TET3: variants seen among roughly 807,000 people sequenced by gnomAD.
The protein encoded by TET3 is methylcytosine dioxygenase TET3.
Under a neutral mutation model 141.4 loss-of-function variants are expected in TET3, and 19 were observed. That is an observed-to-expected ratio of 0.13 (90% CI 0.09 to 0.20). The LOEUF (loss-of-function observed/expected upper bound fraction) is 0.20. Ranked by LOEUF, TET3 falls within the 10% of genes least tolerant of loss-of-function variation. TET3 has a pLI of 1.00. For missense variants in TET3, 1,874 were observed against 2,356.9 expected, an observed-to-expected ratio of 0.80 and a Z score of 4.24; for synonymous variants, 1,043 against 980.9, an observed-to-expected ratio of 1.06 and a Z score of -1.18.
rs75720816 is a variant in TET3, at chr2:74,080,708, G to A, written c.2679+117G>A. The A allele has an allele frequency of 2.4e-5, 8 of 340,046 alleles. 3 individuals are homozygous for A. In the East Asian group the frequency reaches 9.0e-4, roughly 38 times the overall value. 21.1% of individuals were successfully genotyped at this position (340,046 alleles called of 1,614,324 possible). On this transcript the variant is annotated intron_variant, in intron 6 of 11. Coordinates refer to ENST00000409262, the MANE Select transcript of TET3 (RefSeq NM_001287491.2). Reference sequence around the variant, plus strand: ...GCTGAGCAGGCGAGGGCGGGGGGTGGGGCCAGGTGGGTGTGTAGGAGACAA... The same window carrying A: ...GCTGAGCAGGCGAGGGCGGGGGGTGAGGCCAGGTGGGTGTGTAGGAGACAA...
At chr2:74,128,460 G>A in the TET3 span, among the ~76,000 whole-genome samples, 1 of 152,004 alleles carries the variant, frequency 6.6e-6, no homozygotes, top group Non-Finnish European at 1.5e-5. Context: ...TTCATGGAGG[G>A]GCTACCTAGA....
Position 74,051,394 on chromosome 2 carries a change from G to A in TET3, c.2494+2983G>A, listed in dbSNP as rs144516640. 9.1e-4 allele frequency among the ~76,000 whole-genome samples: 139 copies of A among 152,308 alleles called. 1 individual carries two copies. The highest frequency in any genetic ancestry group is 3.1e-3 in the African/African-American group (130 of 41,572). Reference sequence around the variant, plus strand: ...AAATTTGAACAATCATCTCAGTTGAGTTTTAGAAAATGGAAAAAAGACTAG... The same window carrying A: ...AAATTTGAACAATCATCTCAGTTGAATTTTAGAAAATGGAAAAAAGACTAG... On this transcript the variant is annotated intron_variant, in intron 4 of 11. Transcript: ENST00000409262.
At chr2:74,126,588 G>T in the TET3 span, among the ~76,000 whole-genome samples, 4 of 142,028 alleles carry the variant, frequency 2.8e-5, no homozygotes, top group South Asian at 9.0e-4. Flanking sequence ...TGCAAGCTCC[G>T]CCTCCCGGGT....
chr2:74,045,709 C>T (rs1687578987), intron 3 of TET3, among the ~76,000 whole-genome samples: 1 of 152,196 alleles, frequency 6.6e-6, no homozygotes, highest in African/African-American at 2.4e-5. Context: ...TTTCTGTGCT[C>T]AGCCTGGGCT....
rs1687609744 is a variant in TET3 at position 74,046,230 on chromosome 2, A to G, written c.361-48A>G. On this transcript the variant is annotated intron_variant, in intron 3 of 11. Transcript: ENST00000409262. This position sits in a 1 kb window ranked among gnomAD's most constrained non-coding sequence, Gnocchi z 4.3. ...TATGAAGCAGGGAAATGCTTTTCAA[A>G]TAGTGTGGTTCATTTTTTTCCTTTT... The G allele has an allele frequency of 1.4e-6, 2 of 1,463,312 alleles. No individual in the cohort carries two copies. Among genetic ancestry groups the G allele is most frequent in the East Asian group, 2.4e-5 (1 of 42,496 alleles). 90.6% of individuals were successfully genotyped at this position (1,463,312 alleles called of 1,614,324 possible).
rs142940536 is a variant in TET3 at position 74,051,238 on chromosome 2, C to T, written c.2494+2827C>T. On this transcript the variant is annotated intron_variant, in intron 4 of 11. Coordinates refer to ENST00000409262, the MANE Select transcript of TET3 (RefSeq NM_001287491.2). Reference sequence around the variant, plus strand: ...GCCTCCACCAGAGAGGATACATGTTCGCTTGTAGGCAGTGAGCAAAAATGC... The same window carrying T: ...GCCTCCACCAGAGAGGATACATGTTTGCTTGTAGGCAGTGAGCAAAAATGC... 2.4e-3 allele frequency among the ~76,000 whole-genome samples: 359 copies of T among 152,300 alleles called. 2 individuals are homozygous for T. Among genetic ancestry groups the T allele is most frequent in the African/African-American group, 8.1e-3 (338 of 41,554 alleles).
chr2:74,027,393 C>G (rs1278163833), intron 3 of TET3, among the ~76,000 whole-genome samples: 1 of 143,832 alleles, frequency 7.0e-6, no homozygotes, highest in Non-Finnish European at 1.5e-5. Flanking sequence ...ATATACAGTT[C>G]ACCCATTGGC....
At chr2:74,074,517 C>T (rs924981292) in intron 5 of TET3, among the ~76,000 whole-genome samples, 6 of 152,146 alleles carry the variant, frequency 3.9e-5, no homozygotes, top group South Asian at 2.1e-4. Flanking sequence ...AACCCATGTG[C>T]GTGTCCACGG....
intron 10 of TET3, among the ~76,000 whole-genome samples, chr2:74,098,756 G>A (rs1270196577): frequency 2.6e-5 from 4 of 152,066 alleles, no homozygotes; most frequent in African/African-American, 7.2e-5. Flanking sequence ...ACCACGCCAG[G>A]CTAATTTTTA....
At chr2:74,026,336 T>A (rs1686355395) in intron 3 of TET3, among the ~76,000 whole-genome samples, 6 of 152,126 alleles carry the variant, frequency 3.9e-5, no homozygotes, top group Admixed American at 3.9e-4. Flanking sequence ...GGTTTGGGGA[T>A]GTGGGTTTTA....
downstream of TET3, among the ~76,000 whole-genome samples, chr2:74,110,909 A>AG (rs1691688452): frequency 6.6e-6 from 1 of 151,958 alleles, no homozygotes; most frequent in African/African-American, 2.4e-5. Flanking sequence ...CCCCAGCCTG[A>AG]CCCTGCTGTG....
At position 74,003,134 on chromosome 2, in the gene TET3, G is replaced by T; in HGVS notation, c.328G>T (p.Ala110Ser). The change falls in exon 3 of 12, where the codon GCC becomes TCC. Residue 110 changes from alanine (A) to serine (S), a missense_variant. By Grantham distance (99) the Ala-to-Ser change is moderately conservative. Coordinates refer to ENST00000409262, the MANE Select transcript of TET3 (RefSeq NM_001287491.2). ...GGTGGAAATAAAGGCTGGTGAAGGA[G>T]CCGGGCCGTGGGGACAAGGAGCGGC... ...KEVEIKAGEG[A>S]GPWGQGAAVK... is the part of the protein sequence containing the mutation. 6.4e-7 allele frequency: 1 copy of T among 1,550,556 alleles called. No individual in the cohort carries two copies. The highest frequency in any genetic ancestry group is 8.7e-7 in the Non-Finnish European group (1 of 1,146,970).
intron 3 of TET3, among the ~76,000 whole-genome samples, chr2:74,021,969 C>G (rs1216063949): frequency 6.6e-5 from 10 of 151,432 alleles, no homozygotes; most frequent in Admixed American, 4.0e-4. Context: ...TTGTCTATTA[C>G]AAAGAATAAA....
the TET3 span, among the ~76,000 whole-genome samples, chr2:74,114,485 T>C: frequency 1.3e-5 from 2 of 152,222 alleles, no homozygotes; most frequent in East Asian, 3.9e-4. Flanking sequence ...CTTAATGCCA[T>C]TGAATTGTAC....
At position 74,076,974 on chromosome 2, in the gene TET3, C is replaced by A. The variant is rs569890584; in HGVS notation, c.2585+3335C>A. 2.0e-5 allele frequency among the ~76,000 whole-genome samples: 3 copies of A among 152,268 alleles called. No individual in the cohort carries two copies. In the South Asian group the frequency reaches 6.2e-4, roughly 32 times the overall value. On this transcript the variant is annotated intron_variant, in intron 5 of 11. Coordinates refer to ENST00000409262, the MANE Select transcript of TET3 (RefSeq NM_001287491.2). ...TTATGAGTGTCATACTTTGTGGGTA[C>A]CTAGGTCCTTATCTTCATAGATAAT...
intron 3 of TET3, among the ~76,000 whole-genome samples, chr2:74,022,963 A>G (rs1034452547): frequency 6.6e-6 from 1 of 151,950 alleles, no homozygotes; most frequent in African/African-American, 2.4e-5. Flanking sequence ...TTTTGTGGAG[A>G]TGGGGTTTCA....
intron 4 of TET3, among the ~76,000 whole-genome samples, chr2:74,065,866 C>G (rs1424309819): frequency 2.0e-5 from 3 of 151,986 alleles, no homozygotes; most frequent in Admixed American, 1.3e-4. Flanking sequence ...TCAAGTGATT[C>G]TCCTGCCTCA....
the TET3 span, among the ~76,000 whole-genome samples, chr2:74,126,374 T>C: frequency 0.32 from 48,059 of 152,142 alleles, 8,420 homozygotes; most frequent in East Asian, 0.49. Context: ...GCTCACACTT[T>C]CCTAGGCTGG....
chr2:74,041,788 C>T (rs906836875), intron 3 of TET3, among the ~76,000 whole-genome samples: 2 of 152,164 alleles, frequency 1.3e-5, no homozygotes, highest in Admixed American at 6.5e-5. Context: ...GATTTTACCT[C>T]TTCTGATTCC....
Sources: allele counts gnomAD v4.1 joint callset (sites outside exome capture counted in the v4.1 genomes callset), GRCh38; gene constraint gnomAD v4.1.1; non-coding constraint Gnocchi (gnomAD v3.1); transcripts MANE v1.5; gene names NCBI Gene and HGNC (gene_info 2026-07-23, HGNC 2026-07-21).